DTNB: variants seen among roughly 807,000 people sequenced by gnomAD.
DTNB encodes the protein DTN-B.
In DTNB, 63 loss-of-function variants were observed where a neutral mutation model predicts 90.7. That is an observed-to-expected ratio of 0.69 (90% confidence interval 0.57 to 0.86). The LOEUF is 0.86. Ranked by LOEUF, DTNB falls within the 40% of genes least tolerant of loss-of-function variation. DTNB has a pLI of 0.00. For missense variants in DTNB, 744 were observed against 807.1 expected (o/e 0.92, Z 0.95); for synonymous variants, 277 against 286.7 (o/e 0.97, Z 0.34).
chr2:25,459,476 G>A (rs2060591725), intron 10 of DTNB, among the ~76,000 whole-genome samples: 2 of 151,980 alleles, frequency 1.3e-5, no homozygotes, highest in African/African-American at 2.4e-5. Context: ...CTATTGAGAG[G>A]TGACATATGG....
chr2:25,379,299 C>T lies in DTNB; in HGVS notation c.*20G>A, dbSNP rs762429872. On this transcript the variant is annotated 3_prime_UTR_variant, in exon 20 of 21. Transcript: ENST00000406818. ...GACTCTTTGTACTCACCTGAGCTTC[C>T]TCTGTGTCCGGCTCCTCTGCTAACC... The T allele has an allele frequency of 1.3e-5, 17 of 1,324,776 alleles. No homozygotes were observed. Among genetic ancestry groups the T allele is most frequent in the Middle Eastern group, 2.0e-4 (1 of 4,966 alleles). 82.1% of individuals were successfully genotyped at this position (1,324,776 alleles called of 1,614,324 possible).
chr2:25,454,620 A>C (rs1347874640), intron 11 of DTNB, among the ~76,000 whole-genome samples: 1 of 152,160 alleles, frequency 6.6e-6, no homozygotes, highest in Non-Finnish European at 1.5e-5. Context: ...TGAGCAGGAG[A>C]CTTTGGACCT....
At chr2:25,520,529 CAAG>C (rs1301535784) in intron 9 of DTNB, among the ~76,000 whole-genome samples, 1 of 152,104 alleles carries the variant, frequency 6.6e-6, no homozygotes, top group Admixed American at 6.6e-5. Context: ...ACAACATAAA[CAAG>C]AAGTTAGACT....
intron 16 of DTNB, among the ~76,000 whole-genome samples, chr2:25,417,591 C>T (rs536043747): frequency 2.0e-5 from 3 of 152,238 alleles, no homozygotes; most frequent in South Asian, 4.2e-4. Flanking sequence ...AGCTGGCACA[C>T]GCAGAGAGAG....
chr2:25,600,723 T>C (rs943977747), intron 5 of DTNB, among the ~76,000 whole-genome samples: 13 of 152,174 alleles, frequency 8.5e-5, no homozygotes, highest in Admixed American at 8.5e-4. Flanking sequence ...ATCACAAAAA[T>C]GTGTAGGTAT....
Position 25,379,342 on chromosome 2 carries a change from A to C in DTNB, c.1880-19T>G. The C allele has an allele frequency of 3.0e-6, 4 of 1,314,180 alleles. No individual in the cohort carries two copies. The highest frequency in any genetic ancestry group is 3.9e-6 in the Non-Finnish European group (4 of 1,022,250). The allele number at this position is 1,314,180 out of a possible 1,614,324, so 81.4% of individuals were successfully genotyped here. The stretch of plus-strand genomic sequence containing the variant: ...TGCTAACCTGTGGCAGCATGGGCAG[A>C]AACAACACACTGAGGTCACGGCCAG... On this transcript the variant is annotated intron_variant, in intron 19 of 20. Transcript: ENST00000406818.
intron 8 of DTNB, among the ~76,000 whole-genome samples, chr2:25,566,905 C>A (rs1158576678): frequency 6.6e-6 from 1 of 152,144 alleles, no homozygotes; most frequent in Non-Finnish European, 1.5e-5. Flanking sequence ...TATGAGAAAG[C>A]TGGGCTGAGG....
chr2:25,475,069 C>G (rs577329633), intron 10 of DTNB, among the ~76,000 whole-genome samples: 1 of 152,236 alleles, frequency 6.6e-6, no homozygotes, highest in South Asian at 2.1e-4. Context: ...ATTATGATGT[C>G]TAAGTGCTCA....
At chr2:25,478,547 C>T (rs946663186) in intron 10 of DTNB, among the ~76,000 whole-genome samples, 4 of 151,608 alleles carry the variant, frequency 2.6e-5, no homozygotes, top group South Asian at 4.2e-4. Context: ...TTTTTAGAGA[C>T]AGAGTCTCGC....
intron 9 of DTNB, among the ~76,000 whole-genome samples, chr2:25,522,800 A>G (rs538006531): frequency 6.6e-6 from 1 of 151,098 alleles, no homozygotes; most frequent in South Asian, 2.1e-4. Context: ...TCCTGGGTTC[A>G]AGCAATTCTC....
chr2:25,537,797 G>A (rs956475925), intron 8 of DTNB, among the ~76,000 whole-genome samples: 1 of 152,186 alleles, frequency 6.6e-6, no homozygotes, highest in South Asian at 2.1e-4. Context: ...GAGAGTGGAT[G>A]ACTAAAAATT....
chr2:25,576,287 G>A (rs546315694), intron 8 of DTNB, among the ~76,000 whole-genome samples: 5 of 146,530 alleles, frequency 3.4e-5, no homozygotes, highest in South Asian at 2.2e-4. Flanking sequence ...GTGCAGTGGC[G>A]CAATCTCGGC....
At chr2:25,599,564 A>G (rs2065400050) in intron 5 of DTNB, among the ~76,000 whole-genome samples, 1 of 151,632 alleles carries the variant, frequency 6.6e-6, no homozygotes, top group Admixed American at 6.6e-5. Context: ...GATGGTCTCA[A>G]TCTCCTGATC....
intron 12 of DTNB, among the ~76,000 whole-genome samples, chr2:25,450,003 C>T (rs2059035362): frequency 6.6e-6 from 1 of 151,998 alleles, no homozygotes; most frequent in Admixed American, 6.6e-5. Context: ...ACCTTGTGAC[C>T]CGCCTGCCTT....
At position 25,388,266 on chromosome 2, in the gene DTNB, G is replaced by C. The variant is rs540871498; in HGVS notation, c.1671C>G (p.Pro557=). ...TCAGCGAGTCCTGCGGACAGTGGGT[G>C]GGGGTGGAGCCGGCAGACGTGGAGC... is the stretch of plus-strand genomic sequence containing the variant. ...PVRSTSAGST[P]THCPQDSLSG... is the part of the protein sequence containing the mutation. Residue 557 remains proline, a synonymous_variant, in exon 17 of 21, where the codon CCC becomes CCG. Coordinates refer to ENST00000406818, the MANE Select transcript of DTNB (RefSeq NM_021907.5). 36 of 1,609,964 alleles carry C rather than the reference G, an allele frequency of 2.2e-5. No homozygotes were observed. The highest frequency in any genetic ancestry group is 3.0e-5 in the Non-Finnish European group (35 of 1,178,530).
chr2:25,612,536 T>G (rs2068911777), intron 4 of DTNB, among the ~76,000 whole-genome samples: 1 of 151,630 alleles, frequency 6.6e-6, no homozygotes, highest in South Asian at 2.1e-4. Context: ...GAACAGAAAA[T>G]TAAACTCAAA....
At chr2:25,472,902 ATAAT>A (rs2063075419) in intron 10 of DTNB, among the ~76,000 whole-genome samples, 2 of 152,300 alleles carry the variant, frequency 1.3e-5, no homozygotes, top group African/African-American at 4.8e-5. Flanking sequence ...AAATAAATAA[ATAAT>A]TAACAATTCA....
intron 8 of DTNB, among the ~76,000 whole-genome samples, chr2:25,541,379 G>A (rs1041373276): frequency 6.6e-6 from 1 of 152,122 alleles, no homozygotes; most frequent in Admixed American, 6.5e-5. Context: ...CTACTTGGGA[G>A]GCTGAGGCAG....
At chr2:25,461,970 A>G (rs1424263141) in intron 10 of DTNB, among the ~76,000 whole-genome samples, 2 of 152,200 alleles carry the variant, frequency 1.3e-5, no homozygotes, top group African/African-American at 4.8e-5. Context: ...TTCCCAAGGC[A>G]TCCCCTAGCT....
Sources: allele counts gnomAD v4.1 joint callset (sites outside exome capture counted in the v4.1 genomes callset), GRCh38; gene constraint gnomAD v4.1.1; transcripts MANE v1.5; gene names NCBI Gene and HGNC (gene_info 2026-07-23, HGNC 2026-07-21).